CACNA2D3: variants seen among roughly 807,000 people sequenced by gnomAD.
The protein encoded by CACNA2D3 is calcium voltage-gated channel auxiliary subunit alpha2delta 3, also known as voltage-dependent calcium channel subunit alpha-2/delta-3.
Under a neutral mutation model 160.6 loss-of-function variants are expected in CACNA2D3, and 60 were observed. The ratio of observed to expected loss-of-function variants is 0.37; its 90% CI spans 0.30 to 0.46. The LOEUF is 0.46. Ranked by LOEUF, CACNA2D3 falls within the 20% of genes least tolerant of loss-of-function variation. The pLI is 1.00. For missense variants in CACNA2D3, 1,205 were observed against 1,365.0 expected, an observed-to-expected ratio of 0.88 and a Z score of 1.85; for synonymous variants, 558 against 492.9, an observed-to-expected ratio of 1.13 and a Z score of -1.75.
chr3:54,455,912 C>T (rs924199334), intron 4 of CACNA2D3, among the ~76,000 whole-genome samples: 5 of 152,080 alleles, frequency 3.3e-5, no homozygotes, highest in Non-Finnish European at 7.4e-5. Flanking sequence ...TCTGGGCTCT[C>T]TATTCTGTTC....
At chr3:54,162,048 A>G (rs1700355466) in intron 2 of CACNA2D3, among the ~76,000 whole-genome samples, 1 of 152,182 alleles carries the variant, frequency 6.6e-6, no homozygotes, top group South Asian at 2.1e-4. Context: ...TGTTTGAGAC[A>G]AGGCAAGAGA....
At chr3:54,816,801 A>G (rs567839406) in intron 13 of CACNA2D3, 52 bp from the exon 14 acceptor site, 205 of 1,601,422 alleles carry the variant, frequency 1.3e-4, no homozygotes, top group African/African-American at 1.5e-4. Context: ...TTAATTACTT[A>G]TATAATGATC....
intron 4 of CACNA2D3, among the ~76,000 whole-genome samples, chr3:54,418,196 G>A (rs1235475041): frequency 1.3e-5 from 2 of 152,182 alleles, no homozygotes; most frequent in East Asian, 1.9e-4. Context: ...CTGTCTAGTT[G>A]AAGATATTAA....
intron 25 of CACNA2D3, among the ~76,000 whole-genome samples, chr3:54,896,443 G>T (rs762826725): frequency 2.0e-5 from 3 of 152,138 alleles, no homozygotes; most frequent in Non-Finnish European, 4.4e-5. Context: ...GGACATCCTT[G>T]GGTTTTCTGA....
At chr3:54,902,606 C>G (rs182858941) in intron 27 of CACNA2D3, among the ~76,000 whole-genome samples, 1 of 152,358 alleles carries the variant, frequency 6.6e-6, no homozygotes. Flanking sequence ...TTTGGCCTAC[C>G]AAGTCTCATC....
chr3:54,948,194 T>G (rs1168535780), intron 27 of CACNA2D3, among the ~76,000 whole-genome samples: 1 of 152,160 alleles, frequency 6.6e-6, no homozygotes, highest in Admixed American at 6.5e-5. Flanking sequence ...TTGTCTTGAC[T>G]AGAGAGTGAG....
intron 4 of CACNA2D3, among the ~76,000 whole-genome samples, chr3:54,406,338 A>G (rs1471111688): frequency 6.6e-6 from 1 of 152,074 alleles, no homozygotes; most frequent in Non-Finnish European, 1.5e-5. Context: ...CTGTGTGCAT[A>G]TATATATGTA....
rs1559563489 is a variant in CACNA2D3, at chr3:54,736,024, CATATATATATGTATATATAT to C, written c.1168-16573_1168-16554del. ...ATATATATGTATATATATACACATA[CATATATATATGTATATATAT>C]ACACATACATATGTATGTATATATA... is the stretch of plus-strand genomic sequence containing the variant. On this transcript the variant is annotated intron_variant, in intron 11 of 37. Coordinates refer to ENST00000474759, the MANE Select transcript of CACNA2D3 (RefSeq NM_018398.3). 7.8e-3 allele frequency among the ~76,000 whole-genome samples: 508 copies of C among 65,196 alleles called. 8 individuals are homozygous for C. The highest frequency in any genetic ancestry group is 0.011 in the Non-Finnish European group (379 of 33,696). 42.8% of individuals were successfully genotyped at this position (65,196 alleles called of 152,430 possible).
At chr3:54,927,234 A>G (rs1220620488) in intron 27 of CACNA2D3, among the ~76,000 whole-genome samples, 1 of 152,194 alleles carries the variant, frequency 6.6e-6, no homozygotes, top group African/African-American at 2.4e-5. Flanking sequence ...TGAGGCTAAC[A>G]GTGCTCTAGG....
At chr3:54,739,933 C>G (rs1443635614) in intron 11 of CACNA2D3, among the ~76,000 whole-genome samples, 1 of 152,118 alleles carries the variant, frequency 6.6e-6, no homozygotes, top group Non-Finnish European at 1.5e-5. Flanking sequence ...CTTACAACTT[C>G]CGCAAGGGCA....
At chr3:54,591,101 G>T (rs1008403467) in intron 9 of CACNA2D3, among the ~76,000 whole-genome samples, 1 of 152,138 alleles carries the variant, frequency 6.6e-6, no homozygotes, top group African/African-American at 2.4e-5. Flanking sequence ...TAAATTCAGT[G>T]TTGGGCCATG....
chr3:54,793,244 A>G (rs1178543847), intron 13 of CACNA2D3, among the ~76,000 whole-genome samples: 2 of 152,240 alleles, frequency 1.3e-5, no homozygotes, highest in African/African-American at 2.4e-5. Flanking sequence ...GTCGTCGTAA[A>G]TACTTGTTGG....
At chr3:54,918,119 T>G (rs1700705808) in intron 27 of CACNA2D3, 2 of 193,870 alleles carry the variant, frequency 1.0e-5, no homozygotes, top group Non-Finnish European at 2.1e-5. Flanking sequence ...GAATTTCTGG[T>G]GCTTTGTAAA....
chr3:54,676,140 G>A (rs556783525), intron 11 of CACNA2D3, among the ~76,000 whole-genome samples: 7 of 152,170 alleles, frequency 4.6e-5, no homozygotes, highest in Non-Finnish European at 1.0e-4. Context: ...TGGGAATCAT[G>A]CATTAACACA....
intron 11 of CACNA2D3, among the ~76,000 whole-genome samples, chr3:54,703,813 T>C (rs1179217159): frequency 6.6e-6 from 1 of 152,188 alleles, no homozygotes; most frequent in African/African-American, 2.4e-5. Context: ...GATGGTTAGA[T>C]AATGAAACAA....
intron 17 of CACNA2D3, among the ~76,000 whole-genome samples, chr3:54,860,003 C>CACACACACACAT (rs1699255890): frequency 2.0e-5 from 3 of 151,552 alleles, no homozygotes; most frequent in African/African-American, 7.3e-5. Context: ...CACACACACA[C>CACACACACACAT]ACACACACAC....
intron 11 of CACNA2D3, among the ~76,000 whole-genome samples, chr3:54,736,002 TATATGTATATATATAC>T (rs1701495336): frequency 9.0e-6 from 1 of 110,746 alleles, no homozygotes; most frequent in Non-Finnish European, 1.9e-5. Context: ...TACATATATA[TATATGTATATATATAC>T]ACATACATAT....
At chr3:54,333,918 T>C (rs1704321604) in intron 3 of CACNA2D3, among the ~76,000 whole-genome samples, 1 of 152,198 alleles carries the variant, frequency 6.6e-6, no homozygotes, top group African/African-American at 2.4e-5. Context: ...AAGGAGACAA[T>C]GCATAATTTG....
At chr3:54,916,661 G>C (rs1003184804) in intron 27 of CACNA2D3, among the ~76,000 whole-genome samples, 1 of 151,786 alleles carries the variant, frequency 6.6e-6, no homozygotes, top group African/African-American at 2.4e-5. Flanking sequence ...TTGTCTCTGT[G>C]ATTATTAGAG....
Sources: allele counts gnomAD v4.1 joint callset (sites outside exome capture counted in the v4.1 genomes callset), GRCh38; gene constraint gnomAD v4.1.1; transcripts MANE v1.5; gene names NCBI Gene and HGNC (gene_info 2026-07-23, HGNC 2026-07-21).